The following ZFP28 variants were observed in gnomAD, a reference collection of about 807,000 sequenced individuals.
The protein encoded by ZFP28 is zinc finger protein 28 homolog.
In ZFP28, 31 loss-of-function variants were observed where a neutral mutation model predicts 39.5. The observed-to-expected ratio is 0.79, with a 90% CI of 0.59 to 1.06. The LOEUF (loss-of-function observed/expected upper bound fraction) is 1.06. ZFP28 is among the 50% of genes least tolerant of loss of function. ZFP28 has a pLI of 0.00. For missense variants in ZFP28, 925 were observed against 1,048.4 expected (o/e 0.88, Z 1.63); for synonymous variants, 400 against 378.6 (o/e 1.06, Z -0.66).
rs2044324892 is a variant in ZFP28 at position 56,553,759 on chromosome 19, C to T, written c.974C>T (p.Thr325Ile). 6.2e-6 allele frequency: 10 copies of T among 1,614,076 alleles called. No homozygotes were observed. The highest frequency in any genetic ancestry group is 8.5e-6 in the Non-Finnish European group (10 of 1,180,010). The change falls in exon 8 of 8, where the codon ACC becomes ATC. Residue 325 changes from threonine to isoleucine, a missense_variant. By Grantham distance (89) the Thr-to-Ile change is moderately conservative. This residue lies in a region of ZFP28 where 556 missense variants were observed against 542.9 expected (regional missense o/e 1.02). Coordinates refer to ENST00000301318, the MANE Select transcript of ZFP28 (RefSeq NM_020828.2). ...DSYAEGVTDR[T>I]SNTKLDCSSF... ...TATGCTGAAGGGGTAACAGACAGAA[C>T]CTCAAACACTAAACTTGATTGTTCC...
Position 56,555,414 on chromosome 19 carries a change from T to C in ZFP28, c.*22T>C, listed in dbSNP as rs368253273. 34 of 1,578,364 alleles carry C rather than the reference T, an allele frequency of 2.2e-5. 1 individual carries two copies. In the African/African-American group the frequency reaches 3.9e-4, roughly 18 times the overall value. On this transcript the variant is annotated 3_prime_UTR_variant, in exon 8 of 8. Transcript: ENST00000301318. ...ATAGCCTCGAGACGTCATTTCTGTT[T>C]GACTACTCCAGCAGTTTAAAACCCC...
Position 56,554,298 on chromosome 19 carries a change from TTTGA to T in ZFP28, c.1517_1520del (p.Asp506AlafsTer12). On this transcript the variant is annotated frameshift_variant, in exon 8 of 8. Coordinates refer to ENST00000301318, the MANE Select transcript of ZFP28 (RefSeq NM_020828.2). LOFTEE classifies it low-confidence loss of function (END_TRUNC). This position sits in a 1 kb window ranked among gnomAD's most constrained non-coding sequence, Gnocchi z 6.7. The stretch of plus-strand genomic sequence containing the variant: ...ATACTATCATACTGGGGAGAAACCC[TTTGA>T]TTGCATCGATTGTGGGAAAGCCTTC... 6.2e-7 allele frequency: 1 copy of T among 1,614,202 alleles called. No homozygotes were observed. The highest frequency in any genetic ancestry group is 8.5e-7 in the Non-Finnish European group (1 of 1,180,050).
At position 56,554,621 on chromosome 19, in the gene ZFP28, T is replaced by C. The variant is rs753122916; in HGVS notation, c.1836T>C (p.Thr612=). The C allele has an allele frequency of 2.5e-6, 4 of 1,613,766 alleles. No individual in the cohort carries two copies. Among genetic ancestry groups the C allele is most frequent in the Non-Finnish European group, 3.4e-6 (4 of 1,179,674 alleles). The change falls in exon 8 of 8, where the codon ACT becomes ACC. Residue 612 remains threonine, a synonymous_variant. Coordinates refer to ENST00000301318, the MANE Select transcript of ZFP28 (RefSeq NM_020828.2). This position sits in a 1 kb window ranked among gnomAD's most constrained non-coding sequence, Gnocchi z 6.7. ...IHLASHLRIH[T]GEKPFECAEC... ...TTGCCAGTCATTTAAGGATTCATAC[T>C]GGGGAGAAGCCTTTTGAATGTGCGG...
chr19:56,548,034 A>G, intron 4 of ZFP28, 132 bp downstream of exon 4: 1 of 753,320 alleles, frequency 1.3e-6, no homozygotes, highest in Admixed American at 3.1e-5. Flanking sequence ...ACTATTTGGG[A>G]ATACAGAAAT....
At position 56,539,160 on chromosome 19, in the gene ZFP28, C is replaced by T; in HGVS notation, c.142C>T (p.Arg48Cys). Residue 48 changes from arginine (R) to cysteine (C), a missense_variant, in exon 1 of 8, where the codon CGC becomes TGC. Around this residue, in one of 2 missense-constraint regions of ZFP28, gnomAD observed 556 missense variants for 542.9 expected, o/e 1.02. Transcript: ENST00000301318. Reference sequence around the variant, plus strand: ...GGCCCTCCCTGCCCGGGGAAGGCCGCGCTCAAGGAATGGCCTCGCATCCAA... The same window carrying T: ...GGCCCTCCCTGCCCGGGGAAGGCCGTGCTCAAGGAATGGCCTCGCATCCAA... ...TLALPARGRPRSRNGLASKGQ... is the reference protein window; with the variant it reads ...TLALPARGRPCSRNGLASKGQ... 1.2e-6 allele frequency: 2 copies of T among 1,600,512 alleles called. No individual in the cohort carries two copies. Among genetic ancestry groups the T allele is most frequent in the Non-Finnish European group, 1.7e-6 (2 of 1,177,016 alleles).
chr19:56,537,741 A>T (rs2044146948), upstream of ZFP28: 2 of 152,304 alleles, frequency 1.3e-5, no homozygotes, highest in South Asian at 4.1e-4. Context: ...AGGAGACCTG[A>T]AAGAAATCAA....
chr19:56,549,267 C>T, intron 5 of ZFP28, 146 bp downstream of exon 5: 1 of 900,128 alleles, frequency 1.1e-6, no homozygotes, highest in South Asian at 2.3e-5. Context: ...CCCCTCAGAA[C>T]AGAGAGTGCC....
upstream of ZFP28, among the ~76,000 whole-genome samples, chr19:56,536,978 C>T (rs2044137248): frequency 6.6e-6 from 1 of 151,836 alleles, no homozygotes; most frequent in Non-Finnish European, 1.5e-5. Context: ...AACACAGGCC[C>T]TGAGCCTTTA....
Position 56,539,227 on chromosome 19 carries a change from G to A in ZFP28, c.208+1G>A. On this transcript the variant is annotated splice_donor_variant, in intron 1 of 7. Coordinates refer to ENST00000301318, the MANE Select transcript of ZFP28 (RefSeq NM_020828.2). LOFTEE classifies it high-confidence loss of function. ...GCCCCTACGGGGCCTGGGCACAGAG[G>A]TGAGAGTGACAGGTGTTTGGGGCCG... 2 of 1,592,630 alleles carry A rather than the reference G, an allele frequency of 1.3e-6. No homozygotes were observed. The highest frequency in any genetic ancestry group is 1.7e-6 in the Non-Finnish European group (2 of 1,174,638).
At chr19:56,549,556 A>G (rs923382578) in intron 5 of ZFP28, among the ~76,000 whole-genome samples, 2 of 152,114 alleles carry the variant, frequency 1.3e-5, no homozygotes, top group African/African-American at 4.8e-5. Flanking sequence ...GGGCGCCTGT[A>G]GTCCCAGCTA....
At chr19:56,543,787 T>C (rs977619039) in intron 2 of ZFP28, among the ~76,000 whole-genome samples, 1 of 152,206 alleles carries the variant, frequency 6.6e-6, no homozygotes, top group Non-Finnish European at 1.5e-5. Flanking sequence ...AGACATCAGT[T>C]AGGGAAAGTT....
intron 7 of ZFP28, chr19:56,550,867 C>A (rs961213935): frequency 1.4e-6 from 2 of 1,444,526 alleles, no homozygotes; most frequent in Non-Finnish European, 1.8e-6. Context: ...CTTAAATGAT[C>A]TTTTCTGGAC....
At chr19:56,541,514 T>C (rs2044195075) in intron 2 of ZFP28, among the ~76,000 whole-genome samples, 1 of 152,286 alleles carries the variant, frequency 6.6e-6, no homozygotes, top group South Asian at 2.1e-4. Flanking sequence ...TGTGTCACGC[T>C]GTGCTCAGGA....
chr19:56,549,332 C>A (rs970483412), intron 5 of ZFP28, among the ~76,000 whole-genome samples: 3 of 152,172 alleles, frequency 2.0e-5, no homozygotes, highest in Non-Finnish European at 4.4e-5. Flanking sequence ...TAATGAATTA[C>A]AAACAAATCT....
chr19:56,554,098 A>G lies in ZFP28; in HGVS notation c.1313A>G (p.His438Arg). Residue 438 changes from histidine (H) to arginine (R), a missense_variant, in exon 8 of 8, where the codon CAT (histidine) becomes CGT (arginine). His to Arg is a conservative substitution (Grantham distance 29). Coordinates refer to ENST00000301318, the MANE Select transcript of ZFP28 (RefSeq NM_020828.2). The surrounding 1 kb of genome is among the most constrained non-coding windows in gnomAD (Gnocchi z 6.7). ...ACCCAGAGCTCATCTCTTACTGTTC[A>G]TCAGAGAATTCACACTGGAGAGAAA... ...TFTQSSSLTV[H>R]QRIHTGEKPY... 2 of 1,614,252 alleles carry G rather than the reference A, an allele frequency of 1.2e-6. No homozygotes were observed. Among genetic ancestry groups the G allele is most frequent in the South Asian group, 1.1e-5 (1 of 91,084 alleles).
intron 2 of ZFP28, chr19:56,546,383 T>C (rs760124314): frequency 3.9e-5 from 6 of 152,158 alleles, no homozygotes; most frequent in Non-Finnish European, 8.8e-5. Context: ...TAGGCTGAAT[T>C]TGTAAAACTA....
rs767718014 is a variant in ZFP28 at position 56,539,066 on chromosome 19, G to T, written c.48G>T (p.Pro16=). ...GTGTCCGCGAGCCGACGCCGCTCCC[G>T]GGTAGAGGCGCCCCCCGCACAAAGC... ...SASVREPTPL[P]GRGAPRTKPR... The change falls in exon 1 of 8, where the codon CCG becomes CCT. Residue 16 remains proline, a synonymous_variant. Coordinates refer to ENST00000301318, the MANE Select transcript of ZFP28 (RefSeq NM_020828.2). The T allele has an allele frequency of 6.6e-7, 1 of 1,522,690 alleles. No individual in the cohort carries two copies. Among genetic ancestry groups the T allele is most frequent in the Admixed American group, 2.0e-5 (1 of 50,176 alleles). 94.3% of individuals were successfully genotyped at this position (1,522,690 alleles called of 1,614,324 possible).
In ZFP28 at chr19:56,553,615, T is replaced by C. The variant is rs566034735; in HGVS notation, c.899-69T>C. 1.3e-5 allele frequency: 20 copies of C among 1,511,948 alleles called. No individual in the cohort carries two copies. The East Asian group carries it at 2.3e-4, about 17-fold the overall frequency. 93.7% of individuals were successfully genotyped at this position (1,511,948 alleles called of 1,614,324 possible). A position where few individuals can be genotyped will look rare whatever the true frequency, so the allele number is the denominator to read the frequency against. On this transcript the variant is annotated intron_variant, in intron 7 of 7. Coordinates refer to ENST00000301318, the MANE Select transcript of ZFP28 (RefSeq NM_020828.2). Reference sequence around the variant, plus strand: ...CAATTAGTGAATTAATTCACTAGTTTTCCTTTTGGCAGATTCCTTTTTCCT... The same window carrying C: ...CAATTAGTGAATTAATTCACTAGTTCTCCTTTTGGCAGATTCCTTTTTCCT...
intron 5 of ZFP28, 53 bp from the exon 6 acceptor site, chr19:56,550,014 A>G (rs746042111): frequency 7.6e-6 from 11 of 1,455,798 alleles, no homozygotes; most frequent in Non-Finnish European, 8.5e-6. Flanking sequence ...CACTGAGACC[A>G]GGTGAGTTCA....
Sources: allele counts gnomAD v4.1 joint callset (sites outside exome capture counted in the v4.1 genomes callset), GRCh38; gene constraint gnomAD v4.1.1; regional missense constraint gnomAD v4.1.1; non-coding constraint Gnocchi (gnomAD v3.1); transcripts MANE v1.5; gene names NCBI Gene and HGNC (gene_info 2026-07-23, HGNC 2026-07-21).